The following SLCO6A1 variants were observed in gnomAD, a reference collection of about 807,000 sequenced individuals.
SLCO6A1 encodes solute carrier organic anion transporter family member 6A1.
In SLCO6A1, 65 loss-of-function variants were observed where a neutral mutation model predicts 72.7. That is an observed-to-expected ratio of 0.89 (90% CI 0.73 to 1.10). The LOEUF (loss-of-function observed/expected upper bound fraction) is 1.10. Among genes scored for constraint, SLCO6A1 ranks in the 50% least tolerant of loss-of-function variants. The probability of loss-of-function intolerance (pLI) is 0.00; values close to 1 mark genes in which losing one functional copy is unlikely to be tolerated. For synonymous variants in SLCO6A1, 314 were observed against 298.2 expected (o/e 1.05, Z -0.55); for missense variants, 874 against 872.6 (o/e 1.00, Z -0.02).
At chr5:102,382,910 C>T (rs1199760706) in intron 12 of SLCO6A1, among the ~76,000 whole-genome samples, 2 of 148,376 alleles carry the variant, frequency 1.3e-5, no homozygotes. Context: ...TTCGTATATA[C>T]ATATATATAC....
chr5:102,404,735 G>A (rs1010598787), intron 9 of SLCO6A1, among the ~76,000 whole-genome samples: 14 of 152,110 alleles, frequency 9.2e-5, no homozygotes, highest in Non-Finnish European at 1.9e-4. Flanking sequence ...AGTATGAAAT[G>A]TTAGACTAAT....
chr5:102,498,556 T>C lies in SLCO6A1; in HGVS notation c.289A>G (p.Thr97Ala), dbSNP rs753012280. ...QPCGLGCLVS[T>A]CCECCNNIRC... ...ATGTTATTGCAACACTCACAGCAGGTGCTGACTAAGCAGCCCAAACCACAG... is the reference window on the plus strand; with the variant it reads ...ATGTTATTGCAACACTCACAGCAGGCGCTGACTAAGCAGCCCAAACCACAG... Residue 97 changes from threonine to alanine, a missense_variant, in exon 1 of 14, where the codon ACC becomes GCC. Thr to Ala is a moderately conservative substitution (Grantham distance 58). Transcript: ENST00000506729. 1.2e-6 allele frequency: 2 copies of C among 1,614,130 alleles called. No individual in the cohort carries two copies. Among genetic ancestry groups the C allele is most frequent in the Non-Finnish European group, 1.7e-6 (2 of 1,180,044 alleles).
intron 4 of SLCO6A1, among the ~76,000 whole-genome samples, chr5:102,463,608 C>T (rs536750830): frequency 4.6e-5 from 7 of 152,150 alleles, no homozygotes; most frequent in South Asian, 2.1e-4. Flanking sequence ...CAAAATAGGC[C>T]GGGCACGGTG....
intron 3 of SLCO6A1, among the ~76,000 whole-genome samples, chr5:102,476,162 T>C (rs1219132014): frequency 6.6e-6 from 1 of 151,976 alleles, no homozygotes; most frequent in Non-Finnish European, 1.5e-5. Flanking sequence ...CTAAAGAGCT[T>C]ATCTATGTAA....
intron 12 of SLCO6A1, 25 bp from the exon 13 acceptor site, chr5:102,373,519 A>G: frequency 7.1e-7 from 1 of 1,416,866 alleles, no homozygotes; most frequent in Non-Finnish European, 9.3e-7. Flanking sequence ...TGCAATGATC[A>G]GATATGTCCA....
intron 12 of SLCO6A1, among the ~76,000 whole-genome samples, chr5:102,384,493 T>C (rs1013156837): frequency 2.0e-5 from 3 of 152,048 alleles, no homozygotes; most frequent in African/African-American, 7.2e-5. Flanking sequence ...TCCTTTTAAC[T>C]TTTTTATATT....
rs1480883743 is a variant in SLCO6A1, at chr5:102,399,584, A to T, written c.1785T>A (p.Ser595=). The change falls in exon 10 of 14, where the codon TCT becomes TCA. Residue 595 remains serine (S), a synonymous_variant. Transcript: ENST00000506729. The stretch of plus-strand genomic sequence containing the variant: ...TCATGGCCAAGACGATTGGTACACC[A>T]GAAAAACCAGAAAATATAAGTGTAG... The part of the protein sequence containing the change: ...IFSTLIFSGF[S]GVPIVLAMTR... 3 of 1,580,350 alleles carry T rather than the reference A, an allele frequency of 1.9e-6. No homozygotes were observed. The highest frequency in any genetic ancestry group is 1.7e-6 in the Non-Finnish European group (2 of 1,160,450).
rs1750734107 is a variant in SLCO6A1 at position 102,373,393 on chromosome 5, TCA to T, written c.2117_2118del (p.Val706GlufsTer6). 7 of 1,581,274 alleles carry T rather than the reference TCA, an allele frequency of 4.4e-6. No homozygotes were observed. In the South Asian group the frequency reaches 4.8e-5, roughly 11 times the overall value. On this transcript the variant is annotated frameshift_variant, in exon 13 of 14. Transcript: ENST00000506729. LOFTEE classifies it high-confidence loss of function. The part of the protein sequence containing the change: ...NENTDFPDVT[V>X]KNPKVKKKEE... ...TCTTTTTTCTTAACTTTTGGATTCTTCACAGTTACATCTGGGAAGTCAGTGTT... is the reference window on the plus strand; with the variant it reads ...TCTTTTTTCTTAACTTTTGGATTCTTCAGTTACATCTGGGAAGTCAGTGTT...
chr5:102,436,009 C>T (rs1329943463), intron 7 of SLCO6A1, among the ~76,000 whole-genome samples: 3 of 152,172 alleles, frequency 2.0e-5, no homozygotes, highest in Non-Finnish European at 4.4e-5. Context: ...ACTACACAGA[C>T]TGATTACATT....
chr5:102,410,262 C>T (rs1333077688), intron 9 of SLCO6A1, among the ~76,000 whole-genome samples: 1 of 152,052 alleles, frequency 6.6e-6, no homozygotes, highest in African/African-American at 2.4e-5. Flanking sequence ...CTGGTCATCC[C>T]CATGTCTGCA....
chr5:102,482,907 G>A (rs547767717), intron 1 of SLCO6A1, among the ~76,000 whole-genome samples: 1 of 152,234 alleles, frequency 6.6e-6, no homozygotes, highest in South Asian at 2.1e-4. Flanking sequence ...GTAACTGGTT[G>A]GTTTCACTAA....
At chr5:102,373,208 A>G (rs1750719975) in intron 13 of SLCO6A1, 129 bp downstream of exon 13, 1 of 501,046 alleles carries the variant, frequency 2.0e-6, no homozygotes, top group African/African-American at 2.0e-5. Flanking sequence ...TTATATTTGC[A>G]CTCAAAATAT....
intron 6 of SLCO6A1, among the ~76,000 whole-genome samples, chr5:102,448,137 T>A (rs1277344841): frequency 1.3e-5 from 2 of 152,220 alleles, no homozygotes; most frequent in Non-Finnish European, 2.9e-5. Flanking sequence ...TACCCAAAAG[T>A]CACTCAGGAG....
At chr5:102,495,331 T>C (rs1476355467) in intron 1 of SLCO6A1, among the ~76,000 whole-genome samples, 1 of 152,228 alleles carries the variant, frequency 6.6e-6, no homozygotes, top group African/African-American at 2.4e-5. Context: ...TGGTGGCTTA[T>C]GCCTGTAATT....
chr5:102,455,842 T>C (rs531421578), intron 6 of SLCO6A1, among the ~76,000 whole-genome samples: 2 of 152,316 alleles, frequency 1.3e-5, no homozygotes, highest in South Asian at 4.1e-4. Context: ...AAAGTCTTGA[T>C]ACAAAAATCC....
chr5:102,372,882 T>C (rs1750699623), intron 13 of SLCO6A1, among the ~76,000 whole-genome samples: 2 of 151,930 alleles, frequency 1.3e-5, no homozygotes, highest in Admixed American at 6.6e-5. Context: ...AAAATAGTCC[T>C]TTTTGGAAAA....
chr5:102,446,484 CT>C (rs1750115064), intron 6 of SLCO6A1, among the ~76,000 whole-genome samples: 1 of 152,126 alleles, frequency 6.6e-6, no homozygotes, highest in Non-Finnish European at 1.5e-5. Flanking sequence ...TACTATGGGG[CT>C]TTCTAGGTAT....
At chr5:102,399,517 T>C (rs545584378) in intron 10 of SLCO6A1, 38 bp downstream of exon 10, 1 of 1,217,612 alleles carries the variant, frequency 8.2e-7, no homozygotes, top group African/African-American at 1.6e-5. Flanking sequence ...TTTTCTTATA[T>C]ATTAAATAAA....
intron 6 of SLCO6A1, among the ~76,000 whole-genome samples, chr5:102,443,823 T>G (rs572474504): frequency 6.6e-6 from 1 of 152,288 alleles, no homozygotes; most frequent in Admixed American, 6.5e-5. Context: ...GATATACAAA[T>G]AAATATACAA....
Sources: gnomAD v4.1 joint callset for allele counts (sites outside exome capture counted in the v4.1 genomes callset) on GRCh38, gnomAD v4.1.1 for gene constraint, MANE v1.5 for transcripts, NCBI Gene and HGNC (gene_info 2026-07-23, HGNC 2026-07-21) for gene names.